Variants in ATG16L2 observed in about 807,000 individuals in gnomAD.
ATG16L2 encodes the protein protein Atg16l2.
Under a neutral mutation model 84.7 loss-of-function variants are expected in ATG16L2, and 77 were observed. That is an observed-to-expected ratio of 0.91 (90% CI 0.76 to 1.10). The LOEUF is 1.10. Among genes scored for constraint, ATG16L2 ranks in the 50% least tolerant of loss-of-function variants. The pLI, the probability that ATG16L2 is intolerant of heterozygous loss-of-function variation, is 0.00. For missense variants in ATG16L2, 782 were observed against 817.6 expected (o/e 0.96, Z 0.53); for synonymous variants, 361 against 342.8 (o/e 1.05, Z -0.59).
At chr11:72,824,959 G>T in intron 9 of ATG16L2, 117 bp downstream of exon 9, 1 of 789,126 alleles carries the variant, frequency 1.3e-6, no homozygotes. Flanking sequence ...GGGCTCCTCA[G>T]CAGGAGCAGG....
chr11:72,815,550 C>T (rs1859658348), intron 1 of ATG16L2, among the ~76,000 whole-genome samples: 1 of 149,728 alleles, frequency 6.7e-6, no homozygotes, highest in African/African-American at 2.4e-5. Context: ...GTCTGAGGGA[C>T]TAGAGAGATC....
At chr11:72,821,468 T>C in intron 3 of ATG16L2, 200 bp from the exon 4 acceptor site, 1 of 1,395,758 alleles carries the variant, frequency 7.2e-7, no homozygotes, top group Non-Finnish European at 9.3e-7. Flanking sequence ...CAGGGCTGAC[T>C]CCAGAGCCCG....
chr11:72,831,058 A>G (rs941024713), downstream of ATG16L2, among the ~76,000 whole-genome samples: 21 of 152,192 alleles, frequency 1.4e-4, no homozygotes, highest in East Asian at 1.3e-3. Context: ...CAGGCTGGGT[A>G]GAGGCCTCCT....
In ATG16L2 at chr11:72,822,364, G is replaced by T. The variant is rs1187143165; in HGVS notation, c.644+69G>T. 3 of 1,565,628 alleles carry T rather than the reference G, an allele frequency of 1.9e-6. No homozygotes were observed. The Admixed American group carries it at 5.7e-5, about 30-fold the overall frequency. On this transcript the variant is annotated intron_variant, in intron 5 of 17. Coordinates refer to ENST00000321297, the MANE Select transcript of ATG16L2 (RefSeq NM_033388.2). The surrounding 1 kb of genome is among the most constrained non-coding windows in gnomAD (Gnocchi z 4.2). ...CTGCAGGGAGGAGTCGGGCCTCGCC[G>T]GTGTCTGGAAGGGAGGGGGGCAGCA...
downstream of ATG16L2, among the ~76,000 whole-genome samples, chr11:72,831,099 TC>T: frequency 6.6e-6 from 1 of 152,356 alleles, no homozygotes; most frequent in East Asian, 1.9e-4. Flanking sequence ...TGTATCTGCC[TC>T]CTCCATTTTA....
At chr11:72,843,524 T>C (rs753235824) in exon 6 of ATG16L2, 4 of 1,613,310 alleles carry the variant, frequency 2.5e-6, no homozygotes, top group South Asian at 2.2e-5. Context: ...ACTCATCTGG[T>C]TGAGAAGCCT....
chr11:72,817,050 C>G (rs1859740056), intron 2 of ATG16L2, among the ~76,000 whole-genome samples: 1 of 152,152 alleles, frequency 6.6e-6, no homozygotes, highest in African/African-American at 2.4e-5. Flanking sequence ...CTTTCTTTGT[C>G]CATCTCTCTG....
intron 8 of ATG16L2, 77 bp from the exon 9 acceptor site, chr11:72,824,657 G>A (rs1860228560): frequency 9.8e-7 from 1 of 1,020,794 alleles, no homozygotes; most frequent in South Asian, 1.3e-5. Context: ...TATGGTTGAT[G>A]CCTCAGGGGA....
At chr11:72,833,404 G>T (rs1172563928), downstream of ATG16L2, among the ~76,000 whole-genome samples, 1 of 152,168 alleles carries the variant, frequency 6.6e-6, no homozygotes, top group South Asian at 2.1e-4. Context: ...CTATCTGCTT[G>T]TTCCTACTTT....
rs901962148 is a variant in ATG16L2, at chr11:72,841,089, G to A, written c.*22-1528G>A. 11 of 701,866 alleles carry A rather than the reference G, an allele frequency of 1.6e-5. No individual in the cohort carries two copies. In the African/African-American group the frequency reaches 1.8e-4, roughly 11 times the overall value. The allele number at this position is 701,866 out of a possible 1,614,324, so 43.5% of individuals were successfully genotyped here. A position where few individuals can be genotyped will look rare whatever the true frequency, so the allele number is the denominator to read the frequency against. On this transcript the variant is annotated intron_variant, in intron 5 of 5. Transcript: ENST00000534905. ...ATACTGAGGCGGGAGGATTACTTGA[G>A]GCCAGAAGTTCAAGGCTGCAGTGAG...
chr11:72,841,363 A>T, intron 5 of ATG16L2: 2 of 1,081,828 alleles, frequency 1.8e-6, no homozygotes, highest in Non-Finnish European at 2.6e-6. Flanking sequence ...AAAAAAAAAA[A>T]AGCAAATGCA....
chr11:72,840,021 C>A (rs1436718658), intron 5 of ATG16L2, among the ~76,000 whole-genome samples: 1 of 152,184 alleles, frequency 6.6e-6, no homozygotes. Flanking sequence ...CATCAGCCCA[C>A]TGCTCTCTCT....
chr11:72,838,537 C>T, intron 5 of ATG16L2: 1 of 532,748 alleles, frequency 1.9e-6, no homozygotes, highest in Non-Finnish European at 3.4e-6. Flanking sequence ...AGGGCTGCCC[C>T]CCTCTTTGCT....
rs532590002 is a variant in ATG16L2 at position 72,817,838 on chromosome 11, C to T, written c.301C>T (p.Arg101Trp). The change falls in exon 3 of 18, where the codon CGG (arginine) becomes TGG (tryptophan). Residue 101 changes from arginine to tryptophan, a missense_variant. By Grantham distance (101) the Arg-to-Trp change is moderately radical. Coordinates refer to ENST00000321297, the MANE Select transcript of ATG16L2 (RefSeq NM_033388.2). ...GTGGCAGGAGGAGGAGGAGGGGCTC[C>T]GGCTGGTCTGTGGTGAGGTAAGTTG... is the stretch of plus-strand genomic sequence containing the variant. ...VKWQEEEEGLRLVCGEMAYQV... is the reference protein window; with the variant it reads ...VKWQEEEEGLWLVCGEMAYQV... 12 of 1,611,374 alleles carry T rather than the reference C, an allele frequency of 7.4e-6. No homozygotes were observed. Among genetic ancestry groups the T allele is most frequent in the East Asian group, 4.5e-5 (2 of 44,880 alleles).
chr11:72,828,301 T>TGTCA, intron 14 of ATG16L2, 58 bp from the exon 15 acceptor site: 1 of 1,596,028 alleles, frequency 6.3e-7, no homozygotes, highest in Non-Finnish European at 8.6e-7. Flanking sequence ...GGCCCCTTCC[T>TGTCA]GTCAGGAGTG....
Position 72,841,600 on chromosome 11 carries a change from C to A in ATG16L2, c.*22-1017C>A, listed in dbSNP as rs75772023. ...AGGAGAGATCTGCAGCAAAGGGAAG[C>A]GAGGTTACCCGGTGCTCCCCTCCAG... On this transcript the variant is annotated intron_variant, in intron 5 of 5. Coordinates refer to the ATG16L2 transcript ENST00000534905. 3.2e-6 allele frequency: 5 copies of A among 1,581,888 alleles called. No individual in the cohort carries two copies. The African/African-American group carries it at 4.1e-5, about 13-fold the overall frequency.
chr11:72,826,812 G>C lies in ATG16L2; in HGVS notation c.1355G>C (p.Gly452Ala), dbSNP rs1286099537. 16 of 1,613,738 alleles carry C rather than the reference G, an allele frequency of 9.9e-6. No homozygotes were observed. The highest frequency in any genetic ancestry group is 1.3e-5 in the Non-Finnish European group (15 of 1,179,934). The change falls in exon 13 of 18, where the codon GGC becomes GCC. Residue 452 changes from glycine (G) to alanine (A), a missense_variant. By Grantham distance (60) the Gly-to-Ala change is moderately conservative. Coordinates refer to ENST00000321297, the MANE Select transcript of ATG16L2 (RefSeq NM_033388.2). ...CGGACAGTGAAGGAGTGGGACCTCG[G>C]CCGTGCCTATTGTGAGCCCGAGCCC... ...RDRTVKEWDLGRAYCSRTINV... is the reference protein window; with the variant it reads ...RDRTVKEWDLARAYCSRTINV...
chr11:72,830,569 A>C (rs187755588), downstream of ATG16L2, among the ~76,000 whole-genome samples: 11 of 152,296 alleles, frequency 7.2e-5, no homozygotes, highest in African/African-American at 2.2e-4. Flanking sequence ...CCCTGGGTTT[A>C]AGCAATCCTC....
chr11:72,827,038 C>T (rs112613208), intron 13 of ATG16L2, 150 bp from the exon 14 acceptor site: 23 of 826,520 alleles, frequency 2.8e-5, no homozygotes, highest in South Asian at 7.1e-5. Flanking sequence ...AGGAAAAAGA[C>T]GTGGGTGAGC....
Sources: gnomAD v4.1 joint callset for allele counts (sites outside exome capture counted in the v4.1 genomes callset) on GRCh38, gnomAD v4.1.1 for gene constraint, Gnocchi (gnomAD v3.1) non-coding constraint, MANE v1.5 for transcripts, NCBI Gene and HGNC (gene_info 2026-07-23, HGNC 2026-07-21) for gene names.